The following N4BP2L2 variants were observed in gnomAD, a reference collection of about 807,000 sequenced individuals.
N4BP2L2 encodes NEDD4-binding protein 2-like 2.
In N4BP2L2, 50 loss-of-function variants were observed where a neutral mutation model predicts 56.2. That is an observed-to-expected ratio of 0.89 (90% CI 0.71 to 1.13). N4BP2L2 has a LOEUF of 1.13. Ranked by LOEUF, N4BP2L2 falls within the 50% of genes most tolerant of loss-of-function variation. The probability of loss-of-function intolerance (pLI) is 0.00; values close to 1 mark genes in which losing one functional copy is unlikely to be tolerated. For missense variants in N4BP2L2, 689 were observed against 693.8 expected (o/e 0.99, Z 0.08); for synonymous variants, 203 against 223.6 (o/e 0.91, Z 0.82).
At chr13:32,501,941 T>C (rs910819776) in intron 6 of N4BP2L2, among the ~76,000 whole-genome samples, 6 of 152,114 alleles carry the variant, frequency 3.9e-5, no homozygotes, top group Non-Finnish European at 5.9e-5. Context: ...AAGGGATATG[T>C]ATCATAACAA....
chr13:32,483,750 A>G (rs985086423), intron 6 of N4BP2L2, among the ~76,000 whole-genome samples: 2 of 152,164 alleles, frequency 1.3e-5, no homozygotes, highest in African/African-American at 4.8e-5. Flanking sequence ...ACCATTACAT[A>G]ATACATTTAC....
chr13:32,444,005 A>C (rs774366920), exon 7 of N4BP2L2: 1 of 1,609,308 alleles, frequency 6.2e-7, no homozygotes. Flanking sequence ...AGATCACTTA[A>C]GAATTCTAAT....
At chr13:32,441,315 A>C (rs1178592076) in intron 7 of N4BP2L2, among the ~76,000 whole-genome samples, 1 of 152,196 alleles carries the variant, frequency 6.6e-6, no homozygotes, top group East Asian at 1.9e-4. Context: ...CCATTTACTA[A>C]TGTTGTATTT....
chr13:32,442,107 T>G (rs2076483387), intron 7 of N4BP2L2, among the ~76,000 whole-genome samples: 1 of 152,160 alleles, frequency 6.6e-6, no homozygotes, highest in African/African-American at 2.4e-5. Context: ...AATCCCTTTT[T>G]GCCTGCTTCA....
intron 6 of N4BP2L2, among the ~76,000 whole-genome samples, chr13:32,499,589 C>G (rs2089566486): frequency 6.6e-6 from 1 of 152,214 alleles, no homozygotes; most frequent in African/African-American, 2.4e-5. Context: ...CATGAACTCT[C>G]ATTTCCAATT....
At chr13:32,506,352 A>C (rs1296729457), downstream of N4BP2L2, 2 of 152,270 alleles carry the variant, frequency 1.3e-5, no homozygotes, top group East Asian at 3.9e-4. Context: ...TACAGTTAGA[A>C]TTTCAATCTT....
intron 6 of N4BP2L2, among the ~76,000 whole-genome samples, chr13:32,474,776 T>A (rs549995139): frequency 6.6e-6 from 1 of 152,150 alleles, no homozygotes; most frequent in Non-Finnish European, 1.5e-5. Flanking sequence ...TACTTTGATT[T>A]AAAAAAGTCA....
intron 6 of N4BP2L2, among the ~76,000 whole-genome samples, chr13:32,465,823 G>A (rs2081121400): frequency 6.6e-6 from 1 of 151,934 alleles, no homozygotes; most frequent in Non-Finnish European, 1.5e-5. Context: ...CTGGCTAATT[G>A]TTGTATTTTT....
At chr13:32,511,597 T>A (rs1435890325) in exon 6 of N4BP2L2, 1 of 152,162 alleles carries the variant, frequency 6.6e-6, no homozygotes, top group Non-Finnish European at 1.5e-5. Context: ...GTCAGGAAAC[T>A]AAATGCAGAG....
intron 6 of N4BP2L2, among the ~76,000 whole-genome samples, chr13:32,465,085 G>A (rs1045479144): frequency 6.6e-6 from 1 of 152,018 alleles, no homozygotes. Context: ...TCTTGCCTCA[G>A]CCTCCAGAGT....
At position 32,467,463 on chromosome 13, in the gene N4BP2L2, T is replaced by A. The variant is rs1262381697; in HGVS notation, c.366-23337A>T. Among the ~76,000 whole-genome samples the A allele has an allele frequency of 2.6e-5, 4 of 151,324 alleles. No homozygotes were observed. The East Asian group carries it at 7.9e-4, about 30-fold the overall frequency. Reference sequence around the variant, plus strand: ...AGTAGAGATGTATTTAGTAGAGTATTTTTAGGGTTTCGCTATGTTGGCCAA... The same window carrying A: ...AGTAGAGATGTATTTAGTAGAGTATATTTAGGGTTTCGCTATGTTGGCCAA... On this transcript the variant is annotated intron_variant, in intron 6 of 9. Coordinates refer to the N4BP2L2 transcript ENST00000357505.
chr13:32,487,809 C>G (rs1690720021), intron 6 of N4BP2L2, among the ~76,000 whole-genome samples: 1 of 152,128 alleles, frequency 6.6e-6, no homozygotes, highest in African/African-American at 2.4e-5. Context: ...AGCATTTTTA[C>G]AAGCTCTTTA....
chr13:32,501,387 A>G (rs1290656268), intron 6 of N4BP2L2, among the ~76,000 whole-genome samples: 1 of 152,144 alleles, frequency 6.6e-6, no homozygotes, highest in Non-Finnish European at 1.5e-5. Flanking sequence ...GAGAGGAGAA[A>G]AAGACTTGCC....
chr13:32,532,510 T>C (rs1342699183), intron 2 of N4BP2L2, among the ~76,000 whole-genome samples: 2 of 152,086 alleles, frequency 1.3e-5, no homozygotes, highest in Non-Finnish European at 2.9e-5. Flanking sequence ...TATTTTGCCC[T>C]ACTAATATAA....
At chr13:32,460,032 A>T (rs1032028804) in intron 6 of N4BP2L2, among the ~76,000 whole-genome samples, 2 of 152,194 alleles carry the variant, frequency 1.3e-5, no homozygotes, top group African/African-American at 4.8e-5. Flanking sequence ...GACACATCAC[A>T]TCGACAGAAT....
At chr13:32,438,301 G>T (rs2075754757) in intron 8 of N4BP2L2, among the ~76,000 whole-genome samples, 1 of 152,074 alleles carries the variant, frequency 6.6e-6, no homozygotes, top group African/African-American at 2.4e-5. Context: ...GGATGAACCT[G>T]GAAGAAATTA....
chr13:32,521,324 AAAAG>A lies in N4BP2L2; in HGVS notation c.1550+45_1550+48del, dbSNP rs773171079. 9 of 1,366,460 alleles carry A rather than the reference AAAAG, an allele frequency of 6.6e-6. No individual in the cohort carries two copies. In the South Asian group the frequency reaches 7.2e-5, roughly 11 times the overall value. The allele number at this position is 1,366,460 out of a possible 1,614,324, so 84.6% of individuals were successfully genotyped here. On this transcript the variant is annotated intron_variant, in intron 5 of 5. Coordinates refer to ENST00000267068, the Ensembl canonical transcript of N4BP2L2. Reference sequence around the variant, plus strand: ...ACTGTGAAAGGATGTCAGAATTCACAAAAGAAAGAAGAAAAGTTAAGGATTCAAT... The same window carrying A: ...ACTGTGAAAGGATGTCAGAATTCACAAAAGAAGAAAAGTTAAGGATTCAAT...
chr13:32,499,750 A>C (rs753659187), intron 6 of N4BP2L2, among the ~76,000 whole-genome samples: 3 of 152,134 alleles, frequency 2.0e-5, no homozygotes, highest in Non-Finnish European at 4.4e-5. Flanking sequence ...CCTCTATCTG[A>C]CCAAGGACAA....
chr13:32,450,328 A>AT (rs1255359138), intron 6 of N4BP2L2, among the ~76,000 whole-genome samples: 2,618 of 144,782 alleles, frequency 0.018, 90 homozygotes, highest in East Asian at 0.14. Flanking sequence ...ATAAAAAGTG[A>AT]TTTTTTTTTT....
Sources: allele counts gnomAD v4.1 joint callset (sites outside exome capture counted in the v4.1 genomes callset), GRCh38; gene constraint gnomAD v4.1.1; transcripts MANE v1.5; gene names NCBI Gene and HGNC (gene_info 2026-07-23, HGNC 2026-07-21).